The following PTPRT variants were observed in gnomAD, a reference collection of about 807,000 sequenced individuals.
PTPRT encodes receptor-type tyrosine-protein phosphatase T.
PTPRT carries 56 observed loss-of-function variants against 176.8 expected under a neutral mutation model. The observed-to-expected ratio is 0.32, with a 90% CI of 0.26 to 0.40. PTPRT has a LOEUF of 0.40. PTPRT is among the 10% of genes least tolerant of loss of function. The probability of loss-of-function intolerance (pLI) is 1.00; values close to 1 mark genes in which losing one functional copy is unlikely to be tolerated. For synonymous variants in PTPRT, 783 were observed against 739.0 expected (o/e 1.06, Z -0.96); for missense variants, 1,540 against 1,908.2 (o/e 0.81, Z 3.60).
At chr20:42,602,975 A>C (rs2073808973) in intron 7 of PTPRT, among the ~76,000 whole-genome samples, 1 of 152,182 alleles carries the variant, frequency 6.6e-6, no homozygotes, top group Non-Finnish European at 1.5e-5. Flanking sequence ...GGGAAGTCCC[A>C]AGGCAGAACA....
At chr20:42,881,921 AG>A (rs1170537262) in intron 2 of PTPRT, among the ~76,000 whole-genome samples, 1 of 152,090 alleles carries the variant, frequency 6.6e-6, no homozygotes, top group African/African-American at 2.4e-5. Context: ...GGAGAAGAAA[AG>A]GGGCCCAAAG....
intron 8 of PTPRT, among the ~76,000 whole-genome samples, chr20:42,454,331 T>C (rs1043526510): frequency 1.3e-5 from 2 of 152,190 alleles, no homozygotes; most frequent in African/African-American, 4.8e-5. Flanking sequence ...AACATATATA[T>C]AAGATTTTAC....
chr20:42,818,782 C>T (rs990490955), intron 2 of PTPRT, among the ~76,000 whole-genome samples: 2 of 151,928 alleles, frequency 1.3e-5, no homozygotes, highest in Non-Finnish European at 2.9e-5. Context: ...AAACTGACCA[C>T]GCGGAAGAAA....
chr20:42,145,890 C>T (rs1332874925), intron 17 of PTPRT, among the ~76,000 whole-genome samples: 3 of 152,204 alleles, frequency 2.0e-5, no homozygotes, highest in African/African-American at 7.2e-5. Context: ...GGGCACCAAT[C>T]TCTGACCTAA....
intron 7 of PTPRT, among the ~76,000 whole-genome samples, chr20:42,625,683 T>A (rs1325404516): frequency 6.6e-6 from 1 of 151,894 alleles, no homozygotes; most frequent in African/African-American, 2.4e-5. Flanking sequence ...CAGAGGAACA[T>A]TATTAGAAAC....
At chr20:42,713,156 TACACACAC>T (rs11468862) in intron 6 of PTPRT, among the ~76,000 whole-genome samples, 1 of 148,172 alleles carries the variant, frequency 6.7e-6, no homozygotes, top group East Asian at 2.0e-4. Context: ...CACGCACACA[TACACACAC>T]ACACACACAC....
chr20:42,176,406 C>T (rs984033152), intron 16 of PTPRT, among the ~76,000 whole-genome samples: 3 of 152,162 alleles, frequency 2.0e-5, no homozygotes, highest in African/African-American at 7.2e-5. Context: ...TTTAACTACA[C>T]TCAGATCCGA....
In PTPRT at chr20:43,100,168, G is replaced by A. The variant is rs570395576; in HGVS notation, c.88+89478C>T. Among the ~76,000 whole-genome samples the A allele has an allele frequency of 1.0e-3, 153 of 152,254 alleles. 1 individual carries two copies. The highest frequency in any genetic ancestry group is 3.6e-3 in the African/African-American group (148 of 41,544). On this transcript the variant is annotated intron_variant, in intron 1 of 30. Transcript: ENST00000373187. The stretch of plus-strand genomic sequence containing the variant: ...AGGCAGGTGGATGACTTGAGATCAG[G>A]AGCTCAAGACAAGCCTGGCCAACCA...
At chr20:42,475,757 T>C (rs955072841) in intron 7 of PTPRT, among the ~76,000 whole-genome samples, 1 of 152,242 alleles carries the variant, frequency 6.6e-6, no homozygotes, top group Non-Finnish European at 1.5e-5. Flanking sequence ...CCATTCTCCC[T>C]GGAGCTCACC....
chr20:42,539,174 T>G (rs925619800), intron 7 of PTPRT, among the ~76,000 whole-genome samples: 2 of 152,146 alleles, frequency 1.3e-5, no homozygotes, highest in Non-Finnish European at 2.9e-5. Flanking sequence ...AGTTGCTGAA[T>G]AGTTGACTCT....
At chr20:43,076,792 C>T (rs1303838899) in intron 1 of PTPRT, among the ~76,000 whole-genome samples, 2 of 152,178 alleles carry the variant, frequency 1.3e-5, no homozygotes, top group African/African-American at 4.8e-5. Flanking sequence ...CCTCCTACAA[C>T]CAAAGGTCCC....
Position 42,467,528 on chromosome 20 carries a change from T to A in PTPRT, c.1450+4738A>T, listed in dbSNP as rs62204866. 8.5e-3 allele frequency among the ~76,000 whole-genome samples: 1,296 copies of A among 152,348 alleles called. 11 individuals carry two copies. Among genetic ancestry groups the A allele is most frequent in the Middle Eastern group, 0.014 (4 of 294 alleles). The stretch of plus-strand genomic sequence containing the variant: ...AAATGTAAACAAACTGTATATTACA[T>A]GATTTTAAAATTAATGCAAAATTTA... On this transcript the variant is annotated intron_variant, in intron 8 of 30. Transcript: ENST00000373187.
intron 27 of PTPRT, among the ~76,000 whole-genome samples, chr20:42,095,602 G>C (rs971680416): frequency 6.6e-6 from 1 of 152,162 alleles, no homozygotes; most frequent in African/African-American, 2.4e-5. Flanking sequence ...CAGATCCAAC[G>C]TTCTGATCTT....
At chr20:42,370,016 G>A (rs1211068997) in intron 9 of PTPRT, among the ~76,000 whole-genome samples, 1 of 151,882 alleles carries the variant, frequency 6.6e-6, no homozygotes, top group Non-Finnish European at 1.5e-5. Flanking sequence ...CTGCCTTCAT[G>A]TCCCCTCCTC....
At chr20:42,056,231 C>T in the PTPRT span, among the ~76,000 whole-genome samples, 1 of 152,200 alleles carries the variant, frequency 6.6e-6, no homozygotes, top group South Asian at 2.1e-4. Context: ...CTCAAATCCA[C>T]ACTCAGAGAA....
At chr20:42,925,007 C>T (rs1336036956) in intron 1 of PTPRT, among the ~76,000 whole-genome samples, 1 of 152,186 alleles carries the variant, frequency 6.6e-6, no homozygotes, top group African/African-American at 2.4e-5. Flanking sequence ...AGAATTACTG[C>T]GGCTGCATTG....
intron 7 of PTPRT, among the ~76,000 whole-genome samples, chr20:42,576,270 T>A (rs2073259000): frequency 6.6e-6 from 1 of 152,160 alleles, no homozygotes; most frequent in South Asian, 2.1e-4. Flanking sequence ...CTCTGAGCAA[T>A]CCTCCCTGAT....
intron 1 of PTPRT, among the ~76,000 whole-genome samples, chr20:43,163,409 G>C (rs909588707): frequency 2.0e-5 from 3 of 152,010 alleles, no homozygotes; most frequent in East Asian, 3.9e-4. Flanking sequence ...GAGGCCGAGG[G>C]GGGCAAATCA....
chr20:43,188,334 T>C lies in PTPRT; in HGVS notation c.88+1312A>G, dbSNP rs543438140. ...AAAGGAGTGTCTTCGTCACCCAACTTCCCAGCCAGGGAAACAGGCTGTCCC... is the reference window on the plus strand; with the variant it reads ...AAAGGAGTGTCTTCGTCACCCAACTCCCCAGCCAGGGAAACAGGCTGTCCC... On this transcript the variant is annotated intron_variant, in intron 1 of 30. Coordinates refer to ENST00000373187, the MANE Select transcript of PTPRT (RefSeq NM_007050.6). 7.9e-5 allele frequency among the ~76,000 whole-genome samples: 12 copies of C among 152,232 alleles called. No homozygotes were observed. In the South Asian group the frequency reaches 2.5e-3, roughly 32 times the overall value.
Sources: gnomAD v4.1 joint callset for allele counts (sites outside exome capture counted in the v4.1 genomes callset) on GRCh38, gnomAD v4.1.1 for gene constraint, MANE v1.5 for transcripts, NCBI Gene and HGNC (gene_info 2026-07-23, HGNC 2026-07-21) for gene names.